The following IFT140 variants were observed in gnomAD, a reference collection of about 807,000 sequenced individuals.
IFT140 encodes intraflagellar transport protein 140 homolog.
A neutral mutation model predicts 164.6 loss-of-function variants in IFT140; 133 were observed. That is an observed-to-expected ratio of 0.81 (90% CI 0.70 to 0.93). IFT140 has a LOEUF of 0.93. Among genes scored for constraint, IFT140 ranks in the 40% least tolerant of loss-of-function variants. The probability of loss-of-function intolerance (pLI) is 0.00; values close to 1 mark genes in which losing one functional copy is unlikely to be tolerated. For synonymous variants in IFT140, 860 were observed against 817.3 expected, an observed-to-expected ratio of 1.05 and a Z score of -0.89; for missense variants, 2,045 against 1,972.3, an observed-to-expected ratio of 1.04 and a Z score of -0.70.
chr16:1,530,694 A>ACCCGTGGGGAGCGGGAGAGAGCCCG lies in IFT140; in HGVS notation c.2400-3923_2400-3899dup, dbSNP rs1257234697. 621 of 151,424 alleles carry ACCCGTGGGGAGCGGGAGAGAGCCCG rather than the reference A, an allele frequency of 4.1e-3. 2 individuals are homozygous for ACCCGTGGGGAGCGGGAGAGAGCCCG. Among genetic ancestry groups the ACCCGTGGGGAGCGGGAGAGAGCCCG allele is most frequent in the African/African-American group, 0.013 (517 of 40,920 alleles). The allele number at this position is 151,424 out of a possible 1,614,324, so 9.4% of individuals were successfully genotyped here. On this transcript the variant is annotated intron_variant, in intron 19 of 30. Coordinates refer to ENST00000426508, the MANE Select transcript of IFT140 (RefSeq NM_014714.4). ...GCCCCGTCTCTCCCACGCGGAGGCCACCCGTGGGGAGCGGGAGAGAGCCCG... is the reference window on the plus strand; with the variant it reads ...GCCCCGTCTCTCCCACGCGGAGGCCACCCGTGGGGAGCGGGAGAGAGCCCGCCCGTGGGGAGCGGGAGAGAGCCCG...
Position 1,528,327 on chromosome 16 carries a change from GCACGTGTGCACACACACGCATGCAC to G in IFT140, c.2400-1556_2400-1532del, listed in dbSNP as rs1567333522. Among the ~76,000 whole-genome samples the G allele has an allele frequency of 5.0e-3, 589 of 118,610 alleles. 6 individuals carry two copies. The highest frequency in any genetic ancestry group is 0.022 in the African/African-American group (568 of 26,014). 77.8% of individuals were successfully genotyped at this position (118,610 alleles called of 152,430 possible). A position where few individuals can be genotyped will look rare whatever the true frequency, so the allele number is the denominator to read the frequency against. On this transcript the variant is annotated intron_variant, in intron 19 of 30. Transcript: ENST00000426508. ...GCCACACACACACGCACGCATGCAC[GCACGTGTGCACACACACGCATGCAC>G]GCACGTGTGCACACACACGCATGCA...
At position 1,526,083 on chromosome 16, in the gene IFT140, G is replaced by C; in HGVS notation, c.2578-6C>G. On this transcript the variant is annotated splice_region_variant and splice_polypyrimidine_tract_variant and intron_variant, in intron 20 of 30. Transcript: ENST00000426508. Reference sequence around the variant, plus strand: ...TACAGCTGCTCGGCGTCCTCCTGAGGAATGAGGATGGGCAGGTGTCGTGCA... The same window carrying C: ...TACAGCTGCTCGGCGTCCTCCTGAGCAATGAGGATGGGCAGGTGTCGTGCA... The C allele has an allele frequency of 6.3e-6, 10 of 1,576,508 alleles. No homozygotes were observed. The highest frequency in any genetic ancestry group is 8.6e-6 in the Non-Finnish European group (10 of 1,161,196).
Position 1,520,008 on chromosome 16 carries a change from C to G in IFT140, c.3913G>C (p.Gly1305Arg), listed in dbSNP as rs755596826. 11 of 1,602,934 alleles carry G rather than the reference C, an allele frequency of 6.9e-6. No individual in the cohort carries two copies. In the South Asian group the frequency reaches 1.1e-4, roughly 16 times the overall value. The stretch of plus-strand genomic sequence containing the variant: ...CACTTGTAGGCCTCGGTCAGCGCCC[C>G]GTGGGCTTTGTCGTAGTTCTGGTAT... ...DEYQNYDKAHGALTEAYKCLA... is the reference protein window; with the variant it reads ...DEYQNYDKAHRALTEAYKCLA... Residue 1305 changes from glycine to arginine, a missense_variant, in exon 29 of 31, where the codon GGG becomes CGG. By Grantham distance (125) the Gly-to-Arg change is moderately radical. Coordinates refer to ENST00000426508, the MANE Select transcript of IFT140 (RefSeq NM_014714.4).
At chr16:1,565,249 A>G (rs769519077) in intron 16 of IFT140, among the ~76,000 whole-genome samples, 40 of 152,184 alleles carry the variant, frequency 2.6e-4, no homozygotes, top group Admixed American at 5.9e-4. Flanking sequence ...CGGCCCAAGA[A>G]CAGTGGCAGC....
chr16:1,520,583 G>T lies in IFT140; in HGVS notation c.3660+19C>A. ...ACTGCCTGTGAGGTAGCCGCGGGCT[G>T]GGGCCGGGAGAGGCTCACCTTCAGC... On this transcript the variant is annotated intron_variant, in intron 27 of 30. Transcript: ENST00000426508. 6.4e-7 allele frequency: 1 copy of T among 1,553,970 alleles called. No homozygotes were observed.
chr16:1,569,705 C>A (rs1328122717), intron 14 of IFT140, among the ~76,000 whole-genome samples: 1 of 151,664 alleles, frequency 6.6e-6, no homozygotes, highest in Non-Finnish European at 1.5e-5. Context: ...ATCCTCCTGC[C>A]TCAGCCACCT....
chr16:1,593,533 C>A (rs1567415751), intron 4 of IFT140, among the ~76,000 whole-genome samples: 1 of 152,060 alleles, frequency 6.6e-6, no homozygotes, highest in Non-Finnish European at 1.5e-5. Flanking sequence ...GCTGGGACCC[C>A]ACGTGACATC....
chr16:1,549,396 G>A (rs943387883), intron 19 of IFT140, among the ~76,000 whole-genome samples: 1 of 152,354 alleles, frequency 6.6e-6, no homozygotes, highest in South Asian at 2.1e-4. Flanking sequence ...CTCCCAGAAC[G>A]CGGCTCCAGA....
intron 23 of IFT140, 25 bp from the exon 24 acceptor site, chr16:1,524,720 C>G (rs757358956): frequency 6.3e-7 from 1 of 1,578,484 alleles, no homozygotes; most frequent in South Asian, 1.1e-5. Flanking sequence ...AACCCAAAGA[C>G]GAGACACGGT....
chr16:1,553,025 A>C lies in IFT140; in HGVS notation c.2399+4910T>G. On this transcript the variant is annotated intron_variant, in intron 19 of 30. Transcript: ENST00000426508. The surrounding 1 kb of genome is among the most constrained non-coding windows in gnomAD (Gnocchi z 4.4). ...TATAAGAAGCTCCATGAAGTATTAT[A>C]AAGAATGAACACAGAAACCAGTCAC... 2 of 985,456 alleles carry C rather than the reference A, an allele frequency of 2.0e-6. No individual in the cohort carries two copies. The highest frequency in any genetic ancestry group is 2.4e-6 in the Non-Finnish European group (2 of 829,926). 61.0% of individuals were successfully genotyped at this position (985,456 alleles called of 1,614,324 possible).
At position 1,564,191 on chromosome 16, in the gene IFT140, C is replaced by A. The variant is rs148174860; in HGVS notation, c.1902-29G>T. 6.5e-7 allele frequency: 1 copy of A among 1,533,112 alleles called. No homozygotes were observed. Among genetic ancestry groups the A allele is most frequent in the Non-Finnish European group, 8.9e-7 (1 of 1,129,830 alleles). 95.0% of individuals were successfully genotyped at this position (1,533,112 alleles called of 1,614,324 possible). ...AAAGACAAAGGAAGACCCGTTTCAA[C>A]CCCAGGGCGGGCACTCCTGCTACCA... is the stretch of plus-strand genomic sequence containing the variant. On this transcript the variant is annotated intron_variant, in intron 16 of 30. Coordinates refer to ENST00000426508, the MANE Select transcript of IFT140 (RefSeq NM_014714.4). The surrounding 1 kb of genome is among the most constrained non-coding windows in gnomAD (Gnocchi z 5.5).
rs553558511 is a variant in IFT140, at chr16:1,553,955, G to T, written c.2399+3980C>A. ...CAAAGATAAAACTGTAAGTGAAACT[G>T]TAGCATCAGCGACTAACTAGACGGG... On this transcript the variant is annotated intron_variant, in intron 19 of 30. Transcript: ENST00000426508. The surrounding 1 kb of genome is among the most constrained non-coding windows in gnomAD (Gnocchi z 4.4). The T allele has an allele frequency of 2.6e-5, 34 of 1,287,090 alleles. No homozygotes were observed. The South Asian group carries it at 4.1e-4, about 15-fold the overall frequency. 79.7% of individuals were successfully genotyped at this position (1,287,090 alleles called of 1,614,324 possible). A position where few individuals can be genotyped will look rare whatever the true frequency, so the allele number is the denominator to read the frequency against.
At chr16:1,546,368 A>G (rs1394367135) in intron 19 of IFT140, among the ~76,000 whole-genome samples, 1 of 152,124 alleles carries the variant, frequency 6.6e-6, no homozygotes, top group Non-Finnish European at 1.5e-5. Context: ...GTTCTGCAGG[A>G]GCCCAGAGCA....
At chr16:1,543,863 C>T (rs1028141043) in intron 19 of IFT140, among the ~76,000 whole-genome samples, 3 of 152,082 alleles carry the variant, frequency 2.0e-5, no homozygotes, top group Non-Finnish European at 2.9e-5. Context: ...TCGGAAATGC[C>T]GTGGCTTAAA....
At chr16:1,546,121 C>T (rs140850623) in intron 19 of IFT140, among the ~76,000 whole-genome samples, 29 of 152,300 alleles carry the variant, frequency 1.9e-4, no homozygotes, top group African/African-American at 5.8e-4. Flanking sequence ...CAGATAGGCA[C>T]GGGCAGAGAG....
chr16:1,604,272 G>GGGGTGTGT (rs1567431204), intron 3 of IFT140: 1 of 42,886 alleles, frequency 2.3e-5, no homozygotes, highest in African/African-American at 1.0e-4. Context: ...GCGCTGCAAG[G>GGGGTGTGT]GCGTGTGTGT....
intron 29 of IFT140, 83 bp from the exon 30 acceptor site, chr16:1,518,440 T>G (rs1179701157): frequency 2.2e-6 from 3 of 1,363,476 alleles, no homozygotes; most frequent in Admixed American, 5.2e-5. Context: ...TCTTGGCCTG[T>G]AAGAGGAGCT....
intron 30 of IFT140, among the ~76,000 whole-genome samples, chr16:1,516,002 T>C (rs2040325644): frequency 6.6e-6 from 1 of 151,478 alleles, no homozygotes; most frequent in Admixed American, 6.6e-5. Context: ...TAGCCAGGCG[T>C]GGTGGCGCAT....
intron 13 of IFT140, chr16:1,579,463 C>G (rs2034442690): frequency 6.6e-6 from 1 of 152,184 alleles, no homozygotes; most frequent in Non-Finnish European, 1.5e-5. Flanking sequence ...ACCCTCAGAG[C>G]CTCCAGAAGG....
Sources: allele counts gnomAD v4.1 joint callset (sites outside exome capture counted in the v4.1 genomes callset), GRCh38; gene constraint gnomAD v4.1.1; non-coding constraint Gnocchi (gnomAD v3.1); transcripts MANE v1.5; gene names NCBI Gene and HGNC (gene_info 2026-07-23, HGNC 2026-07-21).